The following PITPNC1 variants were observed in gnomAD, a reference collection of about 807,000 sequenced individuals.
PITPNC1 encodes cytoplasmic phosphatidylinositol transfer protein 1.
PITPNC1 carries 18 observed loss-of-function variants against 44.7 expected under a neutral mutation model. That is an observed-to-expected ratio of 0.40 (90% CI 0.28 to 0.60). The LOEUF is 0.60. Among genes scored for constraint, PITPNC1 ranks in the 20% least tolerant of loss-of-function variants. The pLI is 0.39. For synonymous variants in PITPNC1, 141 were observed against 149.6 expected, an observed-to-expected ratio of 0.94 and a Z score of 0.42; for missense variants, 290 against 418.4, an observed-to-expected ratio of 0.69 and a Z score of 2.68.
At chr17:67,440,535 T>TTTATTTA (rs2038998375) in intron 1 of PITPNC1, among the ~76,000 whole-genome samples, 2 of 150,178 alleles carry the variant, frequency 1.3e-5, no homozygotes, top group Non-Finnish European at 3.0e-5. Flanking sequence ...TATTTATTTA[T>TTTATTTA]TTATTTATTT....
At chr17:67,669,844 G>C (rs1048576223) in intron 7 of PITPNC1, among the ~76,000 whole-genome samples, 181 bp downstream of exon 7, 95 of 152,122 alleles carry the variant, frequency 6.2e-4, no homozygotes, top group Non-Finnish European at 2.9e-5. Context: ...GGCCGAGGCG[G>C]GTAGATCACT....
At chr17:67,540,557 G>T (rs145209156) in intron 2 of PITPNC1, among the ~76,000 whole-genome samples, 2 of 152,222 alleles carry the variant, frequency 1.3e-5, no homozygotes, top group East Asian at 3.9e-4. Flanking sequence ...TAAATTCTGG[G>T]TGGCAGATAC....
At chr17:67,463,432 A>G (rs540115945) in intron 1 of PITPNC1, among the ~76,000 whole-genome samples, 1 of 152,282 alleles carries the variant, frequency 6.6e-6, no homozygotes, top group Admixed American at 6.5e-5. Flanking sequence ...CAATTCTTAC[A>G]AGTGAAACAG....
chr17:67,590,526 A>G (rs930563209), intron 5 of PITPNC1, among the ~76,000 whole-genome samples: 3 of 152,244 alleles, frequency 2.0e-5, no homozygotes, highest in African/African-American at 4.8e-5. Flanking sequence ...TGCAACTATC[A>G]TAATAGTAAT....
intron 4 of PITPNC1, among the ~76,000 whole-genome samples, chr17:67,574,645 A>G (rs572117680): frequency 5.3e-5 from 8 of 152,334 alleles, no homozygotes; most frequent in African/African-American, 1.9e-4. Flanking sequence ...TGGGGGAGGC[A>G]GAAGGTTATC....
chr17:67,644,127 G>A (rs116234575), intron 6 of PITPNC1, among the ~76,000 whole-genome samples: 2 of 152,134 alleles, frequency 1.3e-5, no homozygotes, highest in African/African-American at 4.8e-5. Flanking sequence ...CCTGAATTCC[G>A]GATGGCACGT....
At position 67,696,401 on chromosome 17, in the gene PITPNC1, C is replaced by T. The variant is rs763719237; in HGVS notation, c.*3513C>T. The T allele has an allele frequency of 3.3e-5, 5 of 152,184 alleles. No homozygotes were observed. Among genetic ancestry groups the T allele is most frequent in the African/African-American group, 4.8e-5 (2 of 41,450 alleles). The allele number at this position is 152,184 out of a possible 1,614,324, so 9.4% of individuals were successfully genotyped here. A position where few individuals can be genotyped will look rare whatever the true frequency, so the allele number is the denominator to read the frequency against. On this transcript the variant is annotated 3_prime_UTR_variant, in exon 9 of 9. Transcript: ENST00000581322. Reference sequence around the variant, plus strand: ...AACAAAGTAATAGGTCATTGGCTGGCTTACGTCGATAGGAATTTTACTCTT... The same window carrying T: ...AACAAAGTAATAGGTCATTGGCTGGTTTACGTCGATAGGAATTTTACTCTT...
At chr17:67,476,571 C>T (rs2039633409) in intron 1 of PITPNC1, among the ~76,000 whole-genome samples, 1 of 152,076 alleles carries the variant, frequency 6.6e-6, no homozygotes, top group African/African-American at 2.4e-5. Context: ...ACTCTGGATG[C>T]ATATAAGAAT....
chr17:67,510,365 C>G (rs914714429), intron 1 of PITPNC1, among the ~76,000 whole-genome samples: 3 of 152,236 alleles, frequency 2.0e-5, no homozygotes, highest in African/African-American at 7.2e-5. Flanking sequence ...TGTCACTAAT[C>G]CCTGCGTCCA....
At position 67,692,808 on chromosome 17, in the gene PITPNC1, C is replaced by G. The variant is rs1055474688; in HGVS notation, c.919C>G (p.Pro307Ala). 3.1e-6 allele frequency: 5 copies of G among 1,613,734 alleles called. No homozygotes were observed. The highest frequency in any genetic ancestry group is 3.4e-6 in the Non-Finnish European group (4 of 1,179,650). ...GTCTGCCCCAGAAACTCTCACACTT[C>G]CAGACCCTGAGAAAAAAGCCACCCT... The part of the protein sequence containing the change: ...KKSAPETLTL[P>A]DPEKKATLNL... The change falls in exon 9 of 9, where the codon CCA becomes GCA. Residue 307 changes from proline (P) to alanine (A), a missense_variant. By Grantham distance (27) the Pro-to-Ala change is conservative. Transcript: ENST00000581322.
Position 67,394,347 on chromosome 17 carries a change from G to A in PITPNC1, c.48+16145G>A, listed in dbSNP as rs187430097. 5.3e-3 allele frequency among the ~76,000 whole-genome samples: 811 copies of A among 152,202 alleles called. 4 individuals are homozygous for A. The highest frequency in any genetic ancestry group is 9.1e-3 in the Non-Finnish European group (619 of 68,008). ...CCTGGCCTTCTTTAACCTTTGTGTT[G>A]TAAATGTGTAATGTTTTGGTAACAG... On this transcript the variant is annotated intron_variant, in intron 1 of 8. Transcript: ENST00000581322.
At position 67,599,020 on chromosome 17, in the gene PITPNC1, A is replaced by T. The variant is rs1224139885; in HGVS notation, c.366+20763A>T. On this transcript the variant is annotated intron_variant, in intron 5 of 8. Transcript: ENST00000581322. ...GAAATACATATATATATATATATAT[A>T]TATATATATATATATTTTTTTTTTT... 3.3e-4 allele frequency among the ~76,000 whole-genome samples: 13 copies of T among 39,262 alleles called. 1 individual carries two copies. Among genetic ancestry groups the T allele is most frequent in the Non-Finnish European group, 6.6e-4 (13 of 19,584 alleles). The allele number at this position is 39,262 out of a possible 152,430, so 25.8% of individuals were successfully genotyped here.
intron 1 of PITPNC1, among the ~76,000 whole-genome samples, chr17:67,487,395 G>A (rs1033388435): frequency 2.0e-5 from 3 of 152,004 alleles, no homozygotes; most frequent in African/African-American, 4.8e-5. Context: ...GGCTGATCTC[G>A]AACTCCTGGC....
At chr17:67,595,326 C>A (rs779949697) in intron 5 of PITPNC1, among the ~76,000 whole-genome samples, 1 of 152,122 alleles carries the variant, frequency 6.6e-6, no homozygotes, top group Non-Finnish European at 1.5e-5. Context: ...GAAAAGGGAA[C>A]CATTGAATCT....
intron 1 of PITPNC1, among the ~76,000 whole-genome samples, chr17:67,484,410 T>C (rs967200363): frequency 6.6e-6 from 1 of 152,212 alleles, no homozygotes; most frequent in African/African-American, 2.4e-5. Flanking sequence ...TTAGTCCAAA[T>C]TGGAACCGTC....
intron 1 of PITPNC1, among the ~76,000 whole-genome samples, chr17:67,399,894 G>GT (rs1192750258): frequency 6.6e-6 from 1 of 152,194 alleles, no homozygotes; most frequent in Non-Finnish European, 1.5e-5. Context: ...AGTCCTTGCT[G>GT]TGTGATATCA....
In PITPNC1 at chr17:67,500,339, A is replaced by G. The variant is rs371905686; in HGVS notation, c.49-32463A>G. Among the ~76,000 whole-genome samples, 12 of 152,256 alleles carry G rather than the reference A, an allele frequency of 7.9e-5. 1 individual carries two copies. In the East Asian group the frequency reaches 1.5e-3, roughly 20 times the overall value. Reference sequence around the variant, plus strand: ...TAATAAAAAGGTATGAAATTCTGATATATGCTACAACATGGATGGACCATG... The same window carrying G: ...TAATAAAAAGGTATGAAATTCTGATGTATGCTACAACATGGATGGACCATG... On this transcript the variant is annotated intron_variant, in intron 1 of 8. Transcript: ENST00000581322.
At chr17:67,411,358 C>T (rs1287392014) in intron 1 of PITPNC1, among the ~76,000 whole-genome samples, 7 of 151,978 alleles carry the variant, frequency 4.6e-5, no homozygotes, top group Non-Finnish European at 1.0e-4. Context: ...ATAAAGAAAG[C>T]GAGTTGTCCT....
chr17:67,515,925 T>A (rs2040252909), intron 1 of PITPNC1, among the ~76,000 whole-genome samples: 1 of 152,240 alleles, frequency 6.6e-6, no homozygotes, highest in African/African-American at 2.4e-5. Context: ...TTAGGTGGAC[T>A]AATTAATTGT....
Sources: gnomAD v4.1 joint callset for allele counts (sites outside exome capture counted in the v4.1 genomes callset) on GRCh38, gnomAD v4.1.1 for gene constraint, MANE v1.5 for transcripts, NCBI Gene and HGNC (gene_info 2026-07-23, HGNC 2026-07-21) for gene names.